HDAC4: variants seen among roughly 807,000 people sequenced by gnomAD.
HDAC4 encodes histone deacetylase A.
Under a neutral mutation model 135.1 loss-of-function variants are expected in HDAC4, and 16 were observed. The observed-to-expected ratio is 0.12, with a 90% confidence interval of 0.08 to 0.18. HDAC4 has a LOEUF of 0.18. Ranked by LOEUF, HDAC4 falls within the 10% of genes least tolerant of loss-of-function variation. The pLI is 1.00. For missense variants in HDAC4, 1,143 were observed against 1,511.8 expected (o/e 0.76, Z 4.05); for synonymous variants, 685 against 653.4 (o/e 1.05, Z -0.74).
chr2:239,260,372 T>C lies in HDAC4; in HGVS notation c.23-23708A>G, dbSNP rs1220999131. 3.9e-5 allele frequency among the ~76,000 whole-genome samples: 6 copies of C among 152,196 alleles called. No homozygotes were observed. The South Asian group carries it at 8.3e-4, about 21-fold the overall frequency. ...ATGTCCCAGTTTCTTCATCATAAAA[T>C]GGGAAGGACAACGCTTGGATCTCAG... On this transcript the variant is annotated intron_variant, in intron 2 of 26. Coordinates refer to ENST00000543185, the MANE Select transcript of HDAC4 (RefSeq NM_001378414.1).
At chr2:239,325,449 C>T (rs1293254062) in intron 2 of HDAC4, among the ~76,000 whole-genome samples, 1 of 152,118 alleles carries the variant, frequency 6.6e-6, no homozygotes, top group Non-Finnish European at 1.5e-5. Context: ...ATGCCAACGG[C>T]CAATAGGTAC....
chr2:239,189,256 T>C (rs1480101070), intron 4 of HDAC4, among the ~76,000 whole-genome samples: 4 of 152,236 alleles, frequency 2.6e-5, no homozygotes, highest in Admixed American at 2.6e-4. Context: ...CTGCCAACTA[T>C]ATAACTTTGC....
chr2:239,159,277 C>T (rs1416015311), intron 6 of HDAC4, among the ~76,000 whole-genome samples: 2 of 150,402 alleles, frequency 1.3e-5, no homozygotes, highest in African/African-American at 4.9e-5. Context: ...CCCACTCACG[C>T]CCACACCTCA....
At chr2:239,196,758 A>G (rs899938) in intron 3 of HDAC4, among the ~76,000 whole-genome samples, 46,317 of 152,050 alleles carry the variant, frequency 0.3, 7,373 homozygotes, top group African/African-American at 0.41. Flanking sequence ...TCAGGTGGGA[A>G]CTGGGCAGAA....
At chr2:239,377,680 A>AG (rs1347663595) in intron 1 of HDAC4, among the ~76,000 whole-genome samples, 2 of 152,224 alleles carry the variant, frequency 1.3e-5, no homozygotes, top group African/African-American at 4.8e-5. Flanking sequence ...CACAAGGGGC[A>AG]GGGCTGACAG....
intron 24 of HDAC4, among the ~76,000 whole-genome samples, chr2:239,062,264 T>G (rs904910411): frequency 1.3e-5 from 2 of 152,282 alleles, no homozygotes; most frequent in African/African-American, 4.8e-5. Flanking sequence ...AAGGCCCCTC[T>G]GCGCTTCCTG....
intron 2 of HDAC4, among the ~76,000 whole-genome samples, chr2:239,241,772 A>G (rs908271822): frequency 6.6e-6 from 1 of 152,262 alleles, no homozygotes; most frequent in East Asian, 1.9e-4. Context: ...TTTTCCTATG[A>G]TAACAGCCAA....
intron 22 of HDAC4, among the ~76,000 whole-genome samples, chr2:239,069,874 G>C (rs1397768031): frequency 6.6e-6 from 1 of 152,186 alleles, no homozygotes; most frequent in Non-Finnish European, 1.5e-5. Context: ...TTGGTATGCT[G>C]TTTTCTGTAT....
In HDAC4 at chr2:239,048,865, C is replaced by T. The variant is rs558190217; in HGVS notation, c.*4232G>A. The T allele has an allele frequency of 1.1e-4, 17 of 152,344 alleles. No homozygotes were observed. In the East Asian group the frequency reaches 2.7e-3, roughly 24 times the overall value. The allele number at this position is 152,344 out of a possible 1,614,324, so 9.4% of individuals were successfully genotyped here. ...AAGTGAAATCTTAGCCATACATCAC[C>T]TAAAAGTAATTAAAAAGTCAACACA... On this transcript the variant is annotated 3_prime_UTR_variant, in exon 27 of 27. Coordinates refer to ENST00000543185, the MANE Select transcript of HDAC4 (RefSeq NM_001378414.1).
At chr2:239,325,595 T>C (rs1291451977) in intron 2 of HDAC4, among the ~76,000 whole-genome samples, 1 of 152,178 alleles carries the variant, frequency 6.6e-6, no homozygotes, top group Non-Finnish European at 1.5e-5. Flanking sequence ...TGTGAAGAAA[T>C]TGGAACCCTC....
At chr2:239,082,354 G>T in intron 20 of HDAC4, 133 bp from the exon 21 acceptor site, 1 of 1,221,704 alleles carries the variant, frequency 8.2e-7, no homozygotes, top group Non-Finnish European at 1.2e-6. Context: ...CCCTCCAGCT[G>T]GGCCCGTACC....
chr2:239,111,854 C>T lies in HDAC4; in HGVS notation c.1792-142G>A, dbSNP rs561909330. The T allele has an allele frequency of 4.8e-4, 361 of 758,964 alleles. 6 individuals carry two copies. The South Asian group carries it at 5.6e-3, about 12-fold the overall frequency. The allele number at this position is 758,964 out of a possible 1,614,324, so 47.0% of individuals were successfully genotyped here. The stretch of plus-strand genomic sequence containing the variant: ...CACAAGGATGCCGGGAGGCCAGCTG[C>T]GTGGAGAGGCCTTCCCTGTGAGTGC... On this transcript the variant is annotated intron_variant, in intron 13 of 26. Transcript: ENST00000543185.
intron 16 of HDAC4, among the ~76,000 whole-genome samples, chr2:239,095,400 G>A (rs1487136410): frequency 1.3e-5 from 2 of 152,176 alleles, no homozygotes; most frequent in East Asian, 1.9e-4. Context: ...GCCCCTGAGG[G>A]GCTGTATCTA....
At chr2:239,209,960 A>C (rs1186260468) in intron 3 of HDAC4, among the ~76,000 whole-genome samples, 1 of 152,192 alleles carries the variant, frequency 6.6e-6, no homozygotes, top group East Asian at 1.9e-4. Context: ...CACCGACCCA[A>C]CTACGGGTGG....
At chr2:239,346,287 A>G (rs1692660872) in intron 2 of HDAC4, among the ~76,000 whole-genome samples, 1 of 150,252 alleles carries the variant, frequency 6.7e-6, no homozygotes, top group Non-Finnish European at 1.5e-5. Context: ...CACATACCAC[A>G]CCCTAAAACA....
At chr2:239,138,588 C>T (rs2041129738) in intron 9 of HDAC4, among the ~76,000 whole-genome samples, 1 of 152,260 alleles carries the variant, frequency 6.6e-6, no homozygotes, top group African/African-American at 2.4e-5. Flanking sequence ...TCAGAAAACT[C>T]ACTGCTAAAG....
At position 239,191,026 on chromosome 2, in the gene HDAC4, A is replaced by G. The variant is rs146087177; in HGVS notation, c.95-949T>C. On this transcript the variant is annotated intron_variant, in intron 3 of 26. Coordinates refer to ENST00000543185, the MANE Select transcript of HDAC4 (RefSeq NM_001378414.1). ...CACAGCCCAGGGACATCCCAGCGTCACTTCTCAGACACGCGACTCTGCCGA... is the reference window on the plus strand; with the variant it reads ...CACAGCCCAGGGACATCCCAGCGTCGCTTCTCAGACACGCGACTCTGCCGA... The G allele has an allele frequency of 2.2e-3, 1,038 of 462,460 alleles. 9 individuals carry two copies. Among genetic ancestry groups the G allele is most frequent in the African/African-American group, 0.019 (971 of 50,140 alleles). The allele number at this position is 462,460 out of a possible 1,614,324, so 28.6% of individuals were successfully genotyped here. A position where few individuals can be genotyped will look rare whatever the true frequency, so the allele number is the denominator to read the frequency against.
At chr2:239,350,512 C>CTT (rs200638183) in intron 2 of HDAC4, among the ~76,000 whole-genome samples, 1 of 149,212 alleles carries the variant, frequency 6.7e-6, no homozygotes. Context: ...AATGAGAGAA[C>CTT]TTTTTTTTTT....
intron 25 of HDAC4, 37 bp from the exon 26 acceptor site, chr2:239,053,638 A>G (rs1559340362): frequency 1.2e-6 from 2 of 1,602,696 alleles, no homozygotes; most frequent in Non-Finnish European, 1.7e-6. Context: ...CTCAGTGACT[A>G]CAACTTAGCA....
Sources: gnomAD v4.1 joint callset for allele counts (sites outside exome capture counted in the v4.1 genomes callset) on GRCh38, gnomAD v4.1.1 for gene constraint, MANE v1.5 for transcripts, NCBI Gene and HGNC (gene_info 2026-07-23, HGNC 2026-07-21) for gene names.